The following ST6GAL2 variants were observed in gnomAD, a reference collection of about 807,000 sequenced individuals.
ST6GAL2 encodes beta-galactoside alpha-2,6-sialyltransferase 2.
In ST6GAL2, 24 loss-of-function variants were observed where a neutral mutation model predicts 37.5. The observed-to-expected ratio is 0.64, with a 90% confidence interval of 0.46 to 0.90. ST6GAL2 has a LOEUF of 0.90. Among genes scored for constraint, ST6GAL2 ranks in the 40% least tolerant of loss-of-function variants. The probability of loss-of-function intolerance (pLI) is 0.00; values close to 1 mark genes in which losing one functional copy is unlikely to be tolerated. For synonymous variants in ST6GAL2, 306 were observed against 295.1 expected (o/e 1.04, Z -0.38); for missense variants, 715 against 712.7 (o/e 1.00, Z -0.04).
intron 5 of ST6GAL2, among the ~76,000 whole-genome samples, chr2:106,807,630 T>TC (rs1491441249): frequency 3.0e-4 from 20 of 66,386 alleles, no homozygotes; most frequent in African/African-American, 8.0e-4. Context: ...TACATTTTAT[T>TC]CTTTTTTTTT....
intron 5 of ST6GAL2, among the ~76,000 whole-genome samples, chr2:106,822,401 T>G (rs942414222): frequency 4.6e-5 from 7 of 151,938 alleles, no homozygotes; most frequent in Non-Finnish European, 7.4e-5. Flanking sequence ...GTAATCCCAT[T>G]TACAATAACT....
intron 1 of ST6GAL2, among the ~76,000 whole-genome samples, chr2:106,855,832 T>C (rs1677552505): frequency 6.6e-6 from 1 of 152,362 alleles, no homozygotes; most frequent in South Asian, 2.1e-4. Flanking sequence ...GTGACAATTC[T>C]TGCTGATCTG....
At chr2:106,874,635 T>C (rs140860295) in intron 1 of ST6GAL2, among the ~76,000 whole-genome samples, 9 of 152,238 alleles carry the variant, frequency 5.9e-5, no homozygotes, top group African/African-American at 1.9e-4. Context: ...TATAAAATGC[T>C]CTGTTAGCTA....
chr2:106,886,934 C>A (rs1026376950), upstream of ST6GAL2: 11 of 152,544 alleles, frequency 7.2e-5, no homozygotes, highest in Non-Finnish European at 1.3e-4. Context: ...TGTTTCTCCC[C>A]GGCCGCCGCC....
intron 1 of ST6GAL2, 135 bp downstream of exon 1, chr2:106,885,958 C>G (rs1678966559): frequency 6.6e-6 from 1 of 152,508 alleles, no homozygotes; most frequent in South Asian, 2.1e-4. Flanking sequence ...CCTGCTTTTC[C>G]CCAAACCACC....
intron 1 of ST6GAL2, among the ~76,000 whole-genome samples, chr2:106,853,331 C>T (rs1357985374): frequency 6.6e-6 from 1 of 152,206 alleles, no homozygotes; most frequent in Non-Finnish European, 1.5e-5. Flanking sequence ...AATGGGCTAC[C>T]AATTTACTAA....
rs933674790 is a variant in ST6GAL2, at chr2:106,857,954, G to A, written c.-57-13920C>T. On this transcript the variant is annotated intron_variant, in intron 1 of 5. Coordinates refer to ENST00000409382, the MANE Select transcript of ST6GAL2 (RefSeq NM_001142351.2). ...AATGCCAGTAAGAAAGATACTACTA[G>A]ATTATGAGCAATTTCTGAATATTAC... 2.0e-5 allele frequency among the ~76,000 whole-genome samples: 3 copies of A among 152,292 alleles called. No individual in the cohort carries two copies. The South Asian group carries it at 6.2e-4, about 32-fold the overall frequency.
At chr2:106,831,750 T>C (rs6712885) in intron 4 of ST6GAL2, among the ~76,000 whole-genome samples, 129,548 of 152,154 alleles carry the variant, frequency 0.85, 55,283 homozygotes, top group East Asian at 0.94. Flanking sequence ...GGAGCCGCTT[T>C]TATCTTGGGA....
chr2:106,855,385 C>T (rs1677533732), intron 1 of ST6GAL2, among the ~76,000 whole-genome samples: 1 of 152,192 alleles, frequency 6.6e-6, no homozygotes. Context: ...AGCTAAATCT[C>T]TTAGCTCCAT....
chr2:106,843,786 G>C lies in ST6GAL2; in HGVS notation c.192C>G (p.Ala64=). The part of the protein sequence containing the change: ...VQGKQRAIMG[A]AHEPSPPGGL... ...CCCCAGGCGGGGAGGGCTCATGTGC[G>C]GCGCCCATGATGGCCCGCTGCTTCC... Residue 64 remains alanine, a synonymous_variant, in exon 2 of 6, where the codon GCC becomes GCG. Transcript: ENST00000409382. The C allele has an allele frequency of 2.5e-6, 4 of 1,610,600 alleles. No individual in the cohort carries two copies. Among genetic ancestry groups the C allele is most frequent in the Non-Finnish European group, 3.4e-6 (4 of 1,178,352 alleles).
At chr2:106,827,728 C>G (rs1035629394) in intron 5 of ST6GAL2, among the ~76,000 whole-genome samples, 70 of 152,288 alleles carry the variant, frequency 4.6e-4, no homozygotes, top group African/African-American at 1.5e-3. Context: ...CACGGTGACT[C>G]AGAATTTGAG....
At chr2:106,868,164 A>C (rs888130589) in intron 1 of ST6GAL2, among the ~76,000 whole-genome samples, 2 of 152,220 alleles carry the variant, frequency 1.3e-5, no homozygotes, top group Admixed American at 6.5e-5. Context: ...TGGCAATTTA[A>C]AATACTGTTT....
intron 1 of ST6GAL2, among the ~76,000 whole-genome samples, chr2:106,851,977 T>C (rs993242611): frequency 3.9e-5 from 6 of 152,196 alleles, no homozygotes; most frequent in African/African-American, 1.2e-4. Context: ...AAGAGGAAGA[T>C]ACCTCCCTCA....
intron 5 of ST6GAL2, chr2:106,812,940 A>T (rs932130930): frequency 1.2e-6 from 1 of 851,690 alleles, no homozygotes; most frequent in Non-Finnish European, 1.5e-6. Context: ...CAAAAAATTA[A>T]CAACTTTATC....
chr2:106,839,650 TCTCC>T (rs1676794894), intron 2 of ST6GAL2, among the ~76,000 whole-genome samples: 2 of 152,050 alleles, frequency 1.3e-5, no homozygotes, highest in African/African-American at 4.8e-5. Flanking sequence ...ACCCCCAGTC[TCTCC>T]CTCCATGTCC....
intron 5 of ST6GAL2, among the ~76,000 whole-genome samples, chr2:106,816,783 A>G (rs116697288): frequency 8.7e-4 from 132 of 152,302 alleles, no homozygotes; most frequent in African/African-American, 3.2e-3. Context: ...GCGAGTGATC[A>G]CAGTACCTGG....
chr2:106,830,337 G>A (rs576515717), intron 4 of ST6GAL2, 97 bp from the exon 5 acceptor site: 18 of 942,332 alleles, frequency 1.9e-5, no homozygotes, highest in Admixed American at 1.3e-4. Flanking sequence ...GGGCCAGGCT[G>A]GGGCTAGAGG....
intron 1 of ST6GAL2, among the ~76,000 whole-genome samples, chr2:106,865,834 T>A (rs1678003206): frequency 6.6e-6 from 1 of 152,202 alleles, no homozygotes; most frequent in Admixed American, 6.5e-5. Flanking sequence ...TCCAAAGCCT[T>A]TTGGCTACTA....
intron 5 of ST6GAL2, among the ~76,000 whole-genome samples, chr2:106,809,687 G>A (rs1475787751): frequency 1.3e-5 from 2 of 152,202 alleles, no homozygotes; most frequent in Non-Finnish European, 2.9e-5. Flanking sequence ...CTGGGGTCCA[G>A]GAATCTGAAC....
Sources: gnomAD v4.1 joint callset for allele counts (sites outside exome capture counted in the v4.1 genomes callset) on GRCh38, gnomAD v4.1.1 for gene constraint, MANE v1.5 for transcripts, NCBI Gene and HGNC (gene_info 2026-07-23, HGNC 2026-07-21) for gene names.